Variants in DYNC1I1 observed in about 807,000 individuals in gnomAD.
DYNC1I1 encodes the protein dynein cytoplasmic 1 intermediate chain 1.
In DYNC1I1, 43 loss-of-function variants were observed where a neutral mutation model predicts 86.6. The ratio of observed to expected loss-of-function variants is 0.50; its 90% confidence interval spans 0.39 to 0.64. The LOEUF (loss-of-function observed/expected upper bound fraction) is 0.64. Ranked by LOEUF, DYNC1I1 falls within the 30% of genes least tolerant of loss-of-function variation. DYNC1I1 has a pLI of 0.00. For synonymous variants in DYNC1I1, 262 were observed against 283.7 expected, an observed-to-expected ratio of 0.92 and a Z score of 0.77; for missense variants, 604 against 788.8, an observed-to-expected ratio of 0.77 and a Z score of 2.81.
At chr7:95,831,513 G>GAT (rs1788903390) in intron 5 of DYNC1I1, among the ~76,000 whole-genome samples, 1 of 152,040 alleles carries the variant, frequency 6.6e-6, no homozygotes. Context: ...ATTTCCTTTA[G>GAT]ATATATATGT....
intron 10 of DYNC1I1, among the ~76,000 whole-genome samples, chr7:96,009,778 G>A (rs1157663561): frequency 1.3e-5 from 2 of 151,622 alleles, no homozygotes; most frequent in African/African-American, 2.4e-5. Flanking sequence ...TGGGGCAGAT[G>A]ACTTCTTTTT....
At chr7:95,865,978 A>G (rs1163256957) in intron 5 of DYNC1I1, among the ~76,000 whole-genome samples, 3 of 152,156 alleles carry the variant, frequency 2.0e-5, no homozygotes, top group Admixed American at 1.3e-4. Flanking sequence ...GGCATAAGCT[A>G]TGCAGGAGGG....
intron 1 of DYNC1I1, among the ~76,000 whole-genome samples, chr7:95,778,799 T>G (rs1793911143): frequency 6.6e-6 from 1 of 152,084 alleles, no homozygotes; most frequent in Admixed American, 6.6e-5. Flanking sequence ...TAACTGGGAC[T>G]ACAGGCATGT....
intron 6 of DYNC1I1, among the ~76,000 whole-genome samples, chr7:95,933,310 A>C (rs1174433739): frequency 6.6e-6 from 1 of 152,192 alleles, no homozygotes; most frequent in Non-Finnish European, 1.5e-5. Context: ...GAAGAGTCCA[A>C]ATGAATCCAC....
At chr7:96,079,051 A>C (rs1033731755) in intron 15 of DYNC1I1, among the ~76,000 whole-genome samples, 5 of 151,716 alleles carry the variant, frequency 3.3e-5, no homozygotes, top group Non-Finnish European at 7.4e-5. Context: ...TTTTGCTCAC[A>C]ATTGACATAC....
intron 13 of DYNC1I1, 66 bp from the exon 14 acceptor site, chr7:96,039,211 T>C: frequency 6.5e-7 from 1 of 1,531,574 alleles, no homozygotes; most frequent in Non-Finnish European, 8.8e-7. Flanking sequence ...TGTTTTGTTT[T>C]GTTTTTAAGC....
intron 6 of DYNC1I1, among the ~76,000 whole-genome samples, chr7:95,973,460 T>G (rs911148094): frequency 6.6e-6 from 1 of 152,212 alleles, no homozygotes; most frequent in Non-Finnish European, 1.5e-5. Context: ...TTTTTTAAAT[T>G]TCTCTGTTTT....
intron 1 of DYNC1I1, among the ~76,000 whole-genome samples, chr7:95,779,456 G>A (rs1793929361): frequency 6.6e-6 from 1 of 152,184 alleles, no homozygotes; most frequent in African/African-American, 2.4e-5. Flanking sequence ...CCCAGTCATG[G>A]TACATGCTAA....
chr7:95,823,952 C>CTCTATA (rs1554393641), intron 4 of DYNC1I1, among the ~76,000 whole-genome samples: 5 of 77,902 alleles, frequency 6.4e-5, no homozygotes, highest in Non-Finnish European at 6.6e-5. Flanking sequence ...TTCTACTAAA[C>CTCTATA]TATATATATA....
intron 6 of DYNC1I1, among the ~76,000 whole-genome samples, chr7:95,930,938 G>T (rs1332766284): frequency 6.6e-6 from 1 of 152,140 alleles, no homozygotes; most frequent in Non-Finnish European, 1.5e-5. Flanking sequence ...GTATTTCAGT[G>T]TTCACAGGAC....
intron 5 of DYNC1I1, 84 bp from the exon 6 acceptor site, chr7:95,869,799 G>C (rs1790113906): frequency 1.5e-6 from 2 of 1,327,988 alleles, no homozygotes; most frequent in Non-Finnish European, 2.1e-6. Context: ...TGGTTTGTTT[G>C]TTTTAGTGCT....
intron 14 of DYNC1I1, among the ~76,000 whole-genome samples, chr7:96,047,535 G>C (rs571405364): frequency 6.6e-6 from 1 of 152,316 alleles, no homozygotes; most frequent in South Asian, 2.1e-4. Context: ...GGCAAGGCAA[G>C]AAGAGGGTCA....
intron 14 of DYNC1I1, among the ~76,000 whole-genome samples, chr7:96,057,368 A>C (rs1161397471): frequency 1.3e-5 from 2 of 152,170 alleles, no homozygotes; most frequent in African/African-American, 2.4e-5. Context: ...ATGTCTAGAA[A>C]GGAGTGATTT....
intron 3 of DYNC1I1, 44 bp downstream of exon 3, chr7:95,810,550 G>C: frequency 6.5e-7 from 1 of 1,532,678 alleles, no homozygotes; most frequent in Non-Finnish European, 9.0e-7. Context: ...AAATCAACTT[G>C]CGTGGGATAT....
chr7:95,944,868 T>G, intron 6 of DYNC1I1, among the ~76,000 whole-genome samples: 1 of 114,840 alleles, frequency 8.7e-6, no homozygotes, highest in East Asian at 3.2e-4. Context: ...CTCTGGGGAC[T>G]GTTGTGGGGT....
At chr7:95,943,429 G>T (rs948227514) in intron 6 of DYNC1I1, among the ~76,000 whole-genome samples, 18 of 151,498 alleles carry the variant, frequency 1.2e-4, no homozygotes, top group Admixed American at 4.0e-4. Flanking sequence ...AATCAATATC[G>T]TGAAAATGGC....
intron 10 of DYNC1I1, among the ~76,000 whole-genome samples, chr7:96,026,834 T>C (rs756265514): frequency 5.3e-5 from 8 of 152,058 alleles, no homozygotes; most frequent in Non-Finnish European, 1.2e-4. Flanking sequence ...TCCCCCTCCC[T>C]AACTAAAACA....
intron 14 of DYNC1I1, among the ~76,000 whole-genome samples, chr7:96,064,156 T>C (rs958491522): frequency 2.0e-5 from 3 of 151,866 alleles, no homozygotes; most frequent in Non-Finnish European, 4.4e-5. Flanking sequence ...CTAAGCATCA[T>C]TGTTCTTCTC....
chr7:95,901,005 A>C (rs977221120), intron 6 of DYNC1I1, among the ~76,000 whole-genome samples: 1 of 152,214 alleles, frequency 6.6e-6, no homozygotes, highest in African/African-American at 2.4e-5. Flanking sequence ...TAGAGGAGGA[A>C]GAAAAAATAA....
Sources: gnomAD v4.1 joint callset for allele counts (sites outside exome capture counted in the v4.1 genomes callset) on GRCh38, gnomAD v4.1.1 for gene constraint, MANE v1.5 for transcripts, NCBI Gene and HGNC (gene_info 2026-07-23, HGNC 2026-07-21) for gene names.